The following HEMK2 variants were observed in gnomAD, a reference collection of about 807,000 sequenced individuals.
HEMK2 encodes HemK methyltransferase 2, ETF1 glutamine and histone H4 lysine, also known as methyltransferase HEMK2.
the HEMK2 span, among the ~76,000 whole-genome samples, chr21:28,757,455 C>T: frequency 3.9e-5 from 6 of 152,258 alleles, no homozygotes; most frequent in Admixed American, 3.3e-4. Flanking sequence ...TAGCAGCAGC[C>T]GAGATCCCAG....
chr21:28,673,018 GAA>G, the HEMK2 span, among the ~76,000 whole-genome samples: 1 of 149,174 alleles, frequency 6.7e-6, no homozygotes, highest in South Asian at 2.1e-4. Context: ...AAGAAAGAAA[GAA>G]AGAAAGAGAA....
chr21:28,639,210 T>G, the HEMK2 span, among the ~76,000 whole-genome samples: 5 of 152,192 alleles, frequency 3.3e-5, no homozygotes, highest in African/African-American at 9.7e-5. Flanking sequence ...TAGATCAAGA[T>G]GAGAAAGAAG....
chr21:28,627,355 T>C, the HEMK2 span, among the ~76,000 whole-genome samples: 1 of 152,214 alleles, frequency 6.6e-6, no homozygotes, highest in Non-Finnish European at 1.5e-5. Context: ...TTCTATCACA[T>C]AAATTATGCT....
At chr21:28,791,814 A>G in the HEMK2 span, among the ~76,000 whole-genome samples, 1 of 152,136 alleles carries the variant, frequency 6.6e-6, no homozygotes, top group African/African-American at 2.4e-5. Flanking sequence ...GAAAATGAGG[A>G]TGAGACCTGC....
At chr21:28,700,227 C>T in the HEMK2 span, among the ~76,000 whole-genome samples, 1 of 152,140 alleles carries the variant, frequency 6.6e-6, no homozygotes, top group African/African-American at 2.4e-5. Flanking sequence ...GCCTCTCTAA[C>T]TTTGTTCTCT....
chr21:28,638,355 G>A, the HEMK2 span, among the ~76,000 whole-genome samples: 1 of 152,146 alleles, frequency 6.6e-6, no homozygotes, highest in South Asian at 2.1e-4. Context: ...GGAACTGGAA[G>A]GAGGAGCACG....
At chr21:28,880,040 G>GT in the HEMK2 span, 2 of 952,624 alleles carry the variant, frequency 2.1e-6, no homozygotes, top group South Asian at 2.0e-5. Context: ...AATCTCCCAT[G>GT]TTTTTGGGAA....
the HEMK2 span, among the ~76,000 whole-genome samples, chr21:28,655,551 T>C: frequency 1.1e-3 from 171 of 152,214 alleles, no homozygotes; most frequent in Non-Finnish European, 1.8e-3. Context: ...CCTTGGAAAT[T>C]TGAAATAAGA....
the HEMK2 span, among the ~76,000 whole-genome samples, chr21:28,823,672 A>G: frequency 6.6e-6 from 1 of 152,196 alleles, no homozygotes; most frequent in African/African-American, 2.4e-5. Flanking sequence ...TGTCTGTATC[A>G]GACTTAACTG....
the HEMK2 span, among the ~76,000 whole-genome samples, chr21:28,692,665 C>T: frequency 1.3e-5 from 2 of 151,918 alleles, no homozygotes; most frequent in Non-Finnish European, 2.9e-5. Flanking sequence ...CAATAAAATA[C>T]ATTTAAATGT....
At chr21:28,704,025 C>T in the HEMK2 span, among the ~76,000 whole-genome samples, 758 of 152,270 alleles carry the variant, frequency 5.0e-3, 6 homozygotes, top group African/African-American at 0.017. Flanking sequence ...GCTCATGTCA[C>T]ATTAGCATTG....
At chr21:28,882,375 T>C in the HEMK2 span, 1 of 592,140 alleles carries the variant, frequency 1.7e-6, no homozygotes, top group South Asian at 2.0e-5. Context: ...AATTAGAACG[T>C]ATTCAATAAT....
chr21:28,776,006 C>A, the HEMK2 span, among the ~76,000 whole-genome samples: 4 of 151,874 alleles, frequency 2.6e-5, no homozygotes, highest in Admixed American at 6.6e-5. Flanking sequence ...TATGCAATGG[C>A]CTTTAACAGA....
the HEMK2 span, among the ~76,000 whole-genome samples, chr21:28,588,865 C>G: frequency 1.3e-5 from 2 of 151,778 alleles, no homozygotes; most frequent in South Asian, 4.2e-4. Flanking sequence ...CACCTGTAGT[C>G]CCAGCTACTC....
chr21:28,581,861 G>T, the HEMK2 span, among the ~76,000 whole-genome samples: 1 of 152,222 alleles, frequency 6.6e-6, no homozygotes, highest in Non-Finnish European at 1.5e-5. Flanking sequence ...ATTCTGGAAT[G>T]CAGTGTGAAG....
chr21:28,703,150 A>C, the HEMK2 span, among the ~76,000 whole-genome samples: 10 of 152,104 alleles, frequency 6.6e-5, no homozygotes, highest in Non-Finnish European at 4.4e-5. Flanking sequence ...CAGACACTGG[A>C]GCCTACCTGA....
chr21:28,760,977 TTTATG>T, the HEMK2 span, among the ~76,000 whole-genome samples: 1 of 152,170 alleles, frequency 6.6e-6, no homozygotes, highest in Non-Finnish European at 1.5e-5. Context: ...TATTATTGAG[TTTATG>T]TTATTATTTA....
chr21:28,640,475 T>C, the HEMK2 span, among the ~76,000 whole-genome samples: 1 of 152,004 alleles, frequency 6.6e-6, no homozygotes, highest in Non-Finnish European at 1.5e-5. Flanking sequence ...TGGGGAAGAG[T>C]TGAGTCAACA....
chr21:28,789,507 A>C, the HEMK2 span, among the ~76,000 whole-genome samples: 297 of 152,302 alleles, frequency 2.0e-3, 4 homozygotes, highest in African/African-American at 7.0e-3. Flanking sequence ...AAGATAAAAT[A>C]AAATCATCCT....
Sources: gnomAD v4.1 joint callset for allele counts (sites outside exome capture counted in the v4.1 genomes callset) on GRCh38, gnomAD v4.1.1 for gene constraint, MANE v1.5 for transcripts, NCBI Gene and HGNC (gene_info 2026-07-23, HGNC 2026-07-21) for gene names.